Variants in LRRC4C observed in about 807,000 individuals in gnomAD.
LRRC4C encodes leucine-rich repeat-containing protein 4C.
A neutral mutation model predicts 33.6 loss-of-function variants in LRRC4C; 5 were observed. That is an observed-to-expected ratio of 0.15 (90% CI 0.08 to 0.31). The LOEUF (loss-of-function observed/expected upper bound fraction) is 0.31, where lower values mean the gene tolerates loss of function less well. Ranked by LOEUF, LRRC4C falls within the 10% of genes least tolerant of loss-of-function variation. LRRC4C has a pLI of 1.00. For missense variants in LRRC4C, 560 were observed against 796.7 expected (o/e 0.70, Z 3.58); for synonymous variants, 329 against 302.0 (o/e 1.09, Z -0.93).
At chr11:40,282,609 GAAAAACTTTAAAAAAGAACTATTAATGT>G (rs1943556495) in intron 4 of LRRC4C, among the ~76,000 whole-genome samples, 1 of 151,944 alleles carries the variant, frequency 6.6e-6, no homozygotes. Context: ...AAAACTAGAA[GAAAAACTTTAAAAAAGAACTATTAATGT>G]AAAAACACAA....
intron 2 of LRRC4C, among the ~76,000 whole-genome samples, chr11:40,847,728 A>G (rs1447008605): frequency 2.7e-5 from 4 of 150,744 alleles, no homozygotes; most frequent in Admixed American, 2.6e-4. Context: ...AATGGCACAA[A>G]CTTCTCTTTG....
intron 2 of LRRC4C, among the ~76,000 whole-genome samples, chr11:40,704,336 G>T (rs1305486591): frequency 6.6e-6 from 1 of 152,042 alleles, no homozygotes; most frequent in African/African-American, 2.4e-5. Context: ...TATATTTGAG[G>T]TGTTCAATGA....
chr11:41,345,194 T>G (rs1951766190), intron 1 of LRRC4C, among the ~76,000 whole-genome samples: 1 of 152,158 alleles, frequency 6.6e-6, no homozygotes. Context: ...TAACTAAATT[T>G]TGGAGAGCCA....
chr11:40,352,403 C>A (rs1336593126), intron 3 of LRRC4C, among the ~76,000 whole-genome samples: 1 of 151,972 alleles, frequency 6.6e-6, no homozygotes, highest in African/African-American at 2.4e-5. Context: ...AAATTAACTT[C>A]ATCCCACTCC....
chr11:41,349,609 T>A (rs1300549571), intron 1 of LRRC4C, among the ~76,000 whole-genome samples: 2 of 152,082 alleles, frequency 1.3e-5, no homozygotes, highest in Admixed American at 6.5e-5. Flanking sequence ...TAAACTCAAC[T>A]TATACCACAG....
rs181723458 is a variant in LRRC4C at position 40,154,567 on chromosome 11, C to G, written c.-95-13714G>C. On this transcript the variant is annotated intron_variant, in intron 5 of 6. Coordinates refer to ENST00000528697, the MANE Select transcript of LRRC4C (RefSeq NM_001258419.2). ...CCAGGGTAGTTATTCCTATAGCAGA[C>G]AAAACAAACTTTAAAGCAACAGTGG... is the stretch of plus-strand genomic sequence containing the variant. 7.8e-4 allele frequency among the ~76,000 whole-genome samples: 119 copies of G among 152,110 alleles called. 1 individual carries two copies. The highest frequency in any genetic ancestry group is 2.8e-3 in the African/African-American group (117 of 41,492).
At chr11:40,782,516 G>A (rs1309620112) in intron 2 of LRRC4C, among the ~76,000 whole-genome samples, 1 of 151,492 alleles carries the variant, frequency 6.6e-6, no homozygotes, top group Admixed American at 6.6e-5. Flanking sequence ...AAACTGAAAT[G>A]CCCAGTTGAA....
At chr11:40,854,666 T>A (rs1411503277) in intron 2 of LRRC4C, among the ~76,000 whole-genome samples, 1 of 151,756 alleles carries the variant, frequency 6.6e-6, no homozygotes, top group Non-Finnish European at 1.5e-5. Context: ...CAAAATTTTA[T>A]ACATTAAAAA....
At chr11:41,351,902 T>C (rs1951997382) in intron 1 of LRRC4C, among the ~76,000 whole-genome samples, 1 of 152,142 alleles carries the variant, frequency 6.6e-6, no homozygotes, top group South Asian at 2.1e-4. Context: ...TGAAAGACCA[T>C]TACTTGACAC....
chr11:41,122,992 A>G (rs1013948053), intron 1 of LRRC4C: 2 of 152,278 alleles, frequency 1.3e-5, no homozygotes, highest in South Asian at 2.1e-4. Flanking sequence ...CAACTTTAGT[A>G]CGTATTCAGC....
rs148291966 is a variant in LRRC4C at position 41,122,142 on chromosome 11, C to T, written c.-495-188419G>A. On this transcript the variant is annotated intron_variant, in intron 1 of 6. Coordinates refer to ENST00000528697, the MANE Select transcript of LRRC4C (RefSeq NM_001258419.2). ...AAAAACCTTGAACCAAATGGATATA[C>T]GTTGAAGAGAAATAGCTAGCTGAGA... is the stretch of plus-strand genomic sequence containing the variant. 1.2e-3 allele frequency among the ~76,000 whole-genome samples: 190 copies of T among 152,148 alleles called. 1 individual carries two copies. The highest frequency in any genetic ancestry group is 4.0e-3 in the African/African-American group (164 of 41,504).
At chr11:40,875,114 A>G (rs879479820) in intron 2 of LRRC4C, among the ~76,000 whole-genome samples, 3 of 152,286 alleles carry the variant, frequency 2.0e-5, no homozygotes, top group Non-Finnish European at 2.9e-5. Flanking sequence ...CAAGAATGCA[A>G]TTAAGAGTCC....
intron 5 of LRRC4C, among the ~76,000 whole-genome samples, chr11:40,154,076 G>T (rs1273109296): frequency 1.3e-5 from 2 of 152,132 alleles, no homozygotes; most frequent in Non-Finnish European, 2.9e-5. Flanking sequence ...CAGATGAACA[G>T]CAGATTTCTC....
chr11:40,472,031 C>T (rs111971970), intron 3 of LRRC4C, among the ~76,000 whole-genome samples: 21,365 of 152,034 alleles, frequency 0.14, 1,582 homozygotes, highest in Non-Finnish European at 0.15. Context: ...CAAGGTGGCT[C>T]GCACCTGTAA....
chr11:40,953,093 G>C, intron 1 of LRRC4C, among the ~76,000 whole-genome samples: 1 of 151,768 alleles, frequency 6.6e-6, no homozygotes. Flanking sequence ...GCTCTAAAAT[G>C]TTTCTTCCTT....
intron 2 of LRRC4C, among the ~76,000 whole-genome samples, chr11:40,933,141 G>A (rs1383127541): frequency 6.6e-6 from 1 of 152,186 alleles, no homozygotes; most frequent in Non-Finnish European, 1.5e-5. Flanking sequence ...ATAAAGGAAG[G>A]ATAAATTATG....
chr11:40,695,208 C>G (rs565793695), intron 2 of LRRC4C, among the ~76,000 whole-genome samples: 4 of 152,236 alleles, frequency 2.6e-5, no homozygotes, highest in East Asian at 1.9e-4. Context: ...GGTGAGGCAC[C>G]ATGAAGGGAG....
intron 1 of LRRC4C, among the ~76,000 whole-genome samples, chr11:41,252,861 C>T (rs1228702490): frequency 1.3e-5 from 2 of 152,122 alleles, no homozygotes; most frequent in African/African-American, 4.8e-5. Context: ...CATCAGATCT[C>T]ATGAGACTTA....
At chr11:40,132,145 T>C (rs1200781593) in intron 6 of LRRC4C, among the ~76,000 whole-genome samples, 4 of 152,176 alleles carry the variant, frequency 2.6e-5, no homozygotes, top group African/African-American at 9.7e-5. Context: ...CTGAAGTGCT[T>C]GAAAGGTCTG....
Sources: allele counts gnomAD v4.1 joint callset (sites outside exome capture counted in the v4.1 genomes callset), GRCh38; gene constraint gnomAD v4.1.1; transcripts MANE v1.5; gene names NCBI Gene and HGNC (gene_info 2026-07-23, HGNC 2026-07-21).